The following GLRA3 variants were observed in gnomAD, a reference collection of about 807,000 sequenced individuals.
GLRA3 encodes glycine receptor subunit alpha-3.
GLRA3 carries 44 observed loss-of-function variants against 60.4 expected under a neutral mutation model. The ratio of observed to expected loss-of-function variants is 0.73; its 90% CI spans 0.57 to 0.94. The LOEUF is 0.94. Among genes scored for constraint, GLRA3 ranks in the 40% least tolerant of loss-of-function variants. The pLI, the probability that GLRA3 is intolerant of heterozygous loss-of-function variation, is 0.00. For synonymous variants in GLRA3, 223 were observed against 192.9 expected, an observed-to-expected ratio of 1.16 and a Z score of -1.29; for missense variants, 508 against 564.6, an observed-to-expected ratio of 0.90 and a Z score of 1.02.
intron 5 of GLRA3, among the ~76,000 whole-genome samples, chr4:174,688,833 T>C (rs1579447620): frequency 1.3e-5 from 2 of 152,068 alleles, no homozygotes; most frequent in African/African-American, 4.8e-5. Flanking sequence ...AGAGGGAATA[T>C]GTAAATGAAG....
At chr4:174,654,752 C>T (rs1017007977) in intron 9 of GLRA3, among the ~76,000 whole-genome samples, 4 of 151,982 alleles carry the variant, frequency 2.6e-5, no homozygotes, top group African/African-American at 9.7e-5. Context: ...ATGGGAATAG[C>T]GACTCTAACC....
intron 2 of GLRA3, among the ~76,000 whole-genome samples, chr4:174,776,978 A>G (rs1415906217): frequency 6.6e-6 from 1 of 152,198 alleles, no homozygotes; most frequent in Non-Finnish European, 1.5e-5. Context: ...AATCTGAACA[A>G]TTCTGTTTAT....
chr4:174,727,079 G>A (rs1579513013), intron 4 of GLRA3, among the ~76,000 whole-genome samples: 1 of 152,112 alleles, frequency 6.6e-6, no homozygotes, highest in Non-Finnish European at 1.5e-5. Context: ...TCACAATAGA[G>A]TGATGTCACC....
rs115180318 is a variant in GLRA3, at chr4:174,761,119, T to A, written c.267+5844A>T. On this transcript the variant is annotated intron_variant, in intron 3 of 9. Coordinates refer to ENST00000274093, the MANE Select transcript of GLRA3 (RefSeq NM_006529.4). ...GTTTAATTTCTTAAGATGGTGATAG[T>A]TTTTTTTAGTGTTACTTATAATCCA... is the stretch of plus-strand genomic sequence containing the variant. 9.7e-3 allele frequency among the ~76,000 whole-genome samples: 1,475 copies of A among 151,938 alleles called. 28 individuals carry two copies. Among genetic ancestry groups the A allele is most frequent in the African/African-American group, 0.033 (1,366 of 41,486 alleles).
At chr4:174,764,039 G>C (rs1738043143) in intron 3 of GLRA3, among the ~76,000 whole-genome samples, 1 of 152,082 alleles carries the variant, frequency 6.6e-6, no homozygotes, top group South Asian at 2.1e-4. Flanking sequence ...AGAATGGTTG[G>C]TACTACATGA....
chr4:174,664,509 T>C (rs1423021515), intron 7 of GLRA3, among the ~76,000 whole-genome samples: 1 of 152,164 alleles, frequency 6.6e-6, no homozygotes, highest in Non-Finnish European at 1.5e-5. Flanking sequence ...CCCCCAAATC[T>C]AGGAGGCTTC....
At chr4:174,659,281 G>C (rs1733341420) in intron 7 of GLRA3, 84 bp from the exon 8 acceptor site, 1 of 975,286 alleles carries the variant, frequency 1.0e-6, no homozygotes, top group East Asian at 2.6e-5. Context: ...TTCTGATTCT[G>C]AATTATGTCA....
intron 5 of GLRA3, among the ~76,000 whole-genome samples, chr4:174,684,544 A>C (rs1319019057): frequency 6.6e-6 from 1 of 152,244 alleles, no homozygotes; most frequent in Non-Finnish European, 1.5e-5. Context: ...CTGAGTGAGA[A>C]GCTATTGAAA....
At chr4:174,690,636 T>C (rs963466313) in intron 5 of GLRA3, among the ~76,000 whole-genome samples, 4 of 152,204 alleles carry the variant, frequency 2.6e-5, no homozygotes, top group Non-Finnish European at 4.4e-5. Flanking sequence ...AATAGTTGTC[T>C]TTTCTGGGCC....
chr4:174,664,795 A>G (rs976278547), intron 7 of GLRA3, among the ~76,000 whole-genome samples: 1 of 152,174 alleles, frequency 6.6e-6, no homozygotes, highest in African/African-American at 2.4e-5. Context: ...TTAGCCCTTC[A>G]TAATAATTCA....
chr4:174,700,252 TG>T (rs1735254555), intron 5 of GLRA3, among the ~76,000 whole-genome samples: 1 of 152,194 alleles, frequency 6.6e-6, no homozygotes, highest in East Asian at 1.9e-4. Context: ...TTGTAGATAT[TG>T]AATATTTTAC....
At chr4:174,705,555 TG>T (rs1735479049) in intron 5 of GLRA3, among the ~76,000 whole-genome samples, 1 of 144,208 alleles carries the variant, frequency 6.9e-6, no homozygotes, top group African/African-American at 2.5e-5. Context: ...AAGTAGAACC[TG>T]GGTAAATACA....
chr4:174,689,658 A>C (rs1375616884), intron 5 of GLRA3, among the ~76,000 whole-genome samples: 1 of 148,914 alleles, frequency 6.7e-6, no homozygotes, highest in Non-Finnish European at 1.5e-5. Context: ...CGTAGCAAAG[A>C]TATGGATTAT....
chr4:174,733,296 C>A (rs9999658), intron 3 of GLRA3, among the ~76,000 whole-genome samples: 22,118 of 152,148 alleles, frequency 0.15, 1,890 homozygotes, highest in South Asian at 0.22. Context: ...ACACACTGGA[C>A]CTCTGACCTC....
intron 1 of GLRA3, among the ~76,000 whole-genome samples, chr4:174,804,968 A>G (rs538937509): frequency 6.6e-6 from 1 of 152,268 alleles, no homozygotes; most frequent in African/African-American, 2.4e-5. Context: ...CGTAGCGACA[A>G]AGAAAAGTGA....
At chr4:174,682,662 T>C (rs909801594) in intron 6 of GLRA3, 140 bp downstream of exon 6, 1 of 569,924 alleles carries the variant, frequency 1.8e-6, no homozygotes, top group African/African-American at 1.9e-5. Flanking sequence ...TATTCATAGG[T>C]TTCAAATGCA....
chr4:174,752,623 G>A (rs559256041), intron 3 of GLRA3, among the ~76,000 whole-genome samples: 1 of 152,238 alleles, frequency 6.6e-6, no homozygotes, highest in Non-Finnish European at 1.5e-5. Flanking sequence ...AGAAGCGCTG[G>A]AAGACTTAAT....
chr4:174,679,322 A>G (rs900199040), intron 6 of GLRA3, among the ~76,000 whole-genome samples: 4 of 152,130 alleles, frequency 2.6e-5, no homozygotes, highest in Non-Finnish European at 4.4e-5. Flanking sequence ...CTCCAACTCA[A>G]AAAAACAAAA....
At chr4:174,796,623 G>A (rs887288951) in intron 1 of GLRA3, among the ~76,000 whole-genome samples, 1 of 151,398 alleles carries the variant, frequency 6.6e-6, no homozygotes, top group African/African-American at 2.4e-5. Context: ...TGAAACCTCC[G>A]CCTCCTGGGT....
Sources: gnomAD v4.1 joint callset for allele counts (sites outside exome capture counted in the v4.1 genomes callset) on GRCh38, gnomAD v4.1.1 for gene constraint, MANE v1.5 for transcripts, NCBI Gene and HGNC (gene_info 2026-07-23, HGNC 2026-07-21) for gene names.